Variants in SYNJ2 observed in about 807,000 individuals in gnomAD.
The protein encoded by SYNJ2 is polyphosphatidylinositol phosphatase SYNJ2.
SYNJ2 carries 116 observed loss-of-function variants against 141.3 expected under a neutral mutation model. That is an observed-to-expected ratio of 0.82 (90% CI 0.71 to 0.96). The LOEUF (loss-of-function observed/expected upper bound fraction) is 0.96, where lower values mean the gene tolerates loss of function less well. Ranked by LOEUF, SYNJ2 falls within the 40% of genes least tolerant of loss-of-function variation. The pLI is 0.00. For synonymous variants in SYNJ2, 745 were observed against 777.7 expected (o/e 0.96, Z 0.70); for missense variants, 1,873 against 1,934.8 (o/e 0.97, Z 0.60).
chr6:158,095,534 T>C (rs1783743398), intron 26 of SYNJ2, 84 bp from the exon 27 acceptor site: 13 of 1,484,486 alleles, frequency 8.8e-6, no homozygotes, highest in Non-Finnish European at 8.9e-6. Context: ...TCATCTCTGT[T>C]CTCTGCTGGC....
chr6:158,025,139 G>A (rs1778973733), intron 2 of SYNJ2, among the ~76,000 whole-genome samples: 1 of 152,174 alleles, frequency 6.6e-6, no homozygotes, highest in African/African-American at 2.4e-5. Flanking sequence ...TTGGCCGGCT[G>A]TGAGGACCTG....
At chr6:157,997,541 G>C (rs138403850) in intron 1 of SYNJ2, among the ~76,000 whole-genome samples, 2 of 152,140 alleles carry the variant, frequency 1.3e-5, no homozygotes, top group African/African-American at 4.8e-5. Flanking sequence ...GAAAAGCAAG[G>C]GAAGATGCTC....
intron 12 of SYNJ2, among the ~76,000 whole-genome samples, chr6:158,068,216 G>T (rs955193951): frequency 6.6e-6 from 1 of 151,730 alleles, no homozygotes; most frequent in Non-Finnish European, 1.5e-5. Context: ...AACAGAGAAG[G>T]AAGTGGACAG....
chr6:158,083,058 G>A (rs896761361), intron 20 of SYNJ2, among the ~76,000 whole-genome samples: 2 of 151,978 alleles, frequency 1.3e-5, no homozygotes, highest in East Asian at 1.9e-4. Context: ...TCAGCCTCCC[G>A]AGTAGCTGGG....
At chr6:158,068,244 T>C (rs1781686768) in intron 12 of SYNJ2, among the ~76,000 whole-genome samples, 1 of 151,872 alleles carries the variant, frequency 6.6e-6, no homozygotes, top group Admixed American at 6.6e-5. Flanking sequence ...GGCCTCTCGC[T>C]GACAGAGGCC....
At chr6:158,011,698 C>T (rs1778276879) in intron 1 of SYNJ2, among the ~76,000 whole-genome samples, 1 of 152,192 alleles carries the variant, frequency 6.6e-6, no homozygotes, top group East Asian at 1.9e-4. Flanking sequence ...CTCCCAGGGT[C>T]ATCTTCCCAC....
At chr6:158,014,039 T>C (rs994282980) in intron 1 of SYNJ2, among the ~76,000 whole-genome samples, 1 of 152,238 alleles carries the variant, frequency 6.6e-6, no homozygotes, top group African/African-American at 2.4e-5. Flanking sequence ...GGTGTGAAAG[T>C]GATATGCATT....
At chr6:157,994,607 G>A (rs948798213) in intron 1 of SYNJ2, among the ~76,000 whole-genome samples, 2 of 152,202 alleles carry the variant, frequency 1.3e-5, no homozygotes, top group African/African-American at 4.8e-5. Flanking sequence ...AGGGCCAGCA[G>A]CGAGCTGCAG....
At chr6:157,996,845 G>A (rs1057277998) in intron 1 of SYNJ2, among the ~76,000 whole-genome samples, 2 of 152,126 alleles carry the variant, frequency 1.3e-5, no homozygotes, top group Non-Finnish European at 2.9e-5. Context: ...AAAGCTCCCC[G>A]AGGCCTCCCA....
At chr6:157,995,010 A>G (rs770779118) in intron 1 of SYNJ2, among the ~76,000 whole-genome samples, 3 of 152,154 alleles carry the variant, frequency 2.0e-5, no homozygotes, top group Non-Finnish European at 4.4e-5. Flanking sequence ...AAGAAGCTAT[A>G]TGGGCCCCAG....
rs1322717231 is a variant in SYNJ2, at chr6:158,040,202, TG to T, written c.712-3112del. 1.3e-5 allele frequency among the ~76,000 whole-genome samples: 2 copies of T among 151,396 alleles called. No homozygotes were observed. Among genetic ancestry groups the T allele is most frequent in the Admixed American group, 1.3e-4 (2 of 15,274 alleles). The stretch of plus-strand genomic sequence containing the variant: ...GGGTTGTATGTGTACAGTGTGTGCG[TG>T]GTATGTGCATTTATGTGTTGTACAT... On this transcript the variant is annotated intron_variant, in intron 4 of 26. Coordinates refer to ENST00000355585, the MANE Select transcript of SYNJ2 (RefSeq NM_003898.4). The surrounding 1 kb of genome is among the most constrained non-coding windows in gnomAD (Gnocchi z 4.2).
At chr6:158,069,825 A>G in intron 14 of SYNJ2, 152 bp downstream of exon 14, 1 of 1,023,602 alleles carries the variant, frequency 9.8e-7, no homozygotes, top group Non-Finnish European at 1.3e-6. Context: ...ACCCCCTAGG[A>G]AAAACTGGGC....
At chr6:158,017,400 C>A in intron 2 of SYNJ2, 110 bp downstream of exon 2, 45 of 1,034,786 alleles carry the variant, frequency 4.3e-5, no homozygotes, top group Non-Finnish European at 5.3e-5. Flanking sequence ...TCTTCTCTCT[C>A]TCTTCTTTTT....
Position 158,055,013 on chromosome 6 carries a change from C to T in SYNJ2, c.842C>T (p.Ala281Val), listed in dbSNP as rs769439682. The T allele has an allele frequency of 8.1e-6, 13 of 1,613,920 alleles. No individual in the cohort carries two copies. The highest frequency in any genetic ancestry group is 1.1e-5 in the Non-Finnish European group (13 of 1,180,014). The change falls in exon 6 of 27, where the codon GCC (alanine) becomes GTC (valine). Residue 281 changes from alanine to valine, a missense_variant. Physicochemically the swap from Ala to Val is moderately conservative, Grantham distance 64. Transcript: ENST00000355585. ...LRLHRGLEAN[A>V]PAFDRHMVLL... ...CTCCACAGAGGCCTGGAAGCCAATG[C>T]CCCTGCTTTCGACAGGTAGGGATTG...
intron 1 of SYNJ2, among the ~76,000 whole-genome samples, chr6:158,010,797 G>A (rs138655334): frequency 2.4e-3 from 363 of 152,174 alleles, no homozygotes; most frequent in African/African-American, 8.5e-3. Context: ...GGGAGAGGAT[G>A]GCCACGTGAT....
intron 1 of SYNJ2, among the ~76,000 whole-genome samples, chr6:157,987,937 C>T (rs533166607): frequency 2.6e-5 from 4 of 152,326 alleles, no homozygotes; most frequent in Admixed American, 6.5e-5. Flanking sequence ...GAACAGGGAG[C>T]GCTCTGCTGG....
At position 158,071,327 on chromosome 6, in the gene SYNJ2, C is replaced by T. The variant is rs898894409; in HGVS notation, c.1941-275C>T. ...GTGGCAGTGAGAACCTGGGCGGATG[C>T]AGGCATTGCCCTGTCTTCGGCTTCA... On this transcript the variant is annotated intron_variant, in intron 14 of 26. Transcript: ENST00000355585. The surrounding 1 kb of genome is among the most constrained non-coding windows in gnomAD (Gnocchi z 4.3). Among the ~76,000 whole-genome samples the T allele has an allele frequency of 2.0e-5, 3 of 152,172 alleles. No homozygotes were observed. The highest frequency in any genetic ancestry group is 7.2e-5 in the African/African-American group (3 of 41,432).
At chr6:158,015,378 G>C (rs767886873) in intron 1 of SYNJ2, among the ~76,000 whole-genome samples, 8 of 152,202 alleles carry the variant, frequency 5.3e-5, no homozygotes, top group South Asian at 2.1e-4. Flanking sequence ...ATGTAGAAAT[G>C]GTTCCATCCA....
intron 5 of SYNJ2, among the ~76,000 whole-genome samples, chr6:158,046,070 G>A (rs535497945): frequency 2.4e-4 from 37 of 152,298 alleles, no homozygotes; most frequent in African/African-American, 7.9e-4. Flanking sequence ...AGCCTCACAA[G>A]TAGCTGGGGT....
Sources: allele counts gnomAD v4.1 joint callset (sites outside exome capture counted in the v4.1 genomes callset), GRCh38; gene constraint gnomAD v4.1.1; non-coding constraint Gnocchi (gnomAD v3.1); transcripts MANE v1.5; gene names NCBI Gene and HGNC (gene_info 2026-07-23, HGNC 2026-07-21).